Variants in CIBAR2 observed in about 807,000 individuals in gnomAD.
CIBAR2 encodes CBY1-interacting BAR domain-containing protein 2.
CIBAR2 carries 38 observed loss-of-function variants against 36.2 expected under a neutral mutation model. That is an observed-to-expected ratio of 1.05 (90% CI 0.81 to 1.38). CIBAR2 has a LOEUF of 1.38. Among genes scored for constraint, CIBAR2 ranks in the 40% most tolerant of loss-of-function variants. CIBAR2 has a pLI of 0.00. For synonymous variants in CIBAR2, 182 were observed against 149.5 expected, an observed-to-expected ratio of 1.22 and a Z score of -1.58; for missense variants, 481 against 383.4, an observed-to-expected ratio of 1.25 and a Z score of -2.13.
chr16:85,110,706 T>C (rs1013454462), intron 1 of CIBAR2, among the ~76,000 whole-genome samples: 1 of 130,702 alleles, frequency 7.7e-6, no homozygotes, highest in Non-Finnish European at 1.6e-5. Context: ...GACCTGGCCT[T>C]TTTTTTTTTT....
chr16:85,100,091 C>A, intron 8 of CIBAR2, 48 bp downstream of exon 8: 1 of 1,454,468 alleles, frequency 6.9e-7, no homozygotes, highest in Non-Finnish European at 9.5e-7. Flanking sequence ...GCCTTCCAGG[C>A]CGTGCACGAC....
chr16:85,110,461 C>G lies in CIBAR2; in HGVS notation c.21-1G>C, dbSNP rs765272850. 12 of 1,586,426 alleles carry G rather than the reference C, an allele frequency of 7.6e-6. 1 individual carries two copies. In the East Asian group the frequency reaches 2.7e-4, roughly 36 times the overall value. ...CTCCATCACCCTCACCTGGCTGTCC[C>G]TGTGGAGGCGGGGACCTGAGCAGCC... On this transcript the variant is annotated splice_acceptor_variant, in intron 1 of 8. Coordinates refer to ENST00000539556, the MANE Select transcript of CIBAR2 (RefSeq NM_198491.3). LOFTEE classifies it high-confidence loss of function.
intron 5 of CIBAR2, among the ~76,000 whole-genome samples, chr16:85,107,025 A>G (rs1324558031): frequency 6.6e-6 from 1 of 152,186 alleles, no homozygotes; most frequent in Non-Finnish European, 1.5e-5. Flanking sequence ...GGGCACCTGT[A>G]ATCCCAGCTG....
chr16:85,099,186 TAGAG>T lies in CIBAR2; in HGVS notation c.910_913del (p.Leu304AsnfsTer5). ...TGGGATTGCACTTACCCTACGTCGTTAGAGAGAATGTCCTGGAAGCATGAGATGC... is the reference window on the plus strand; with the variant it reads ...TGGGATTGCACTTACCCTACGTCGTTAGAATGTCCTGGAAGCATGAGATGC... On this transcript the variant is annotated frameshift_variant and stop_lost, in exon 9 of 9. Transcript: ENST00000539556. LOFTEE classifies it high-confidence loss of function. The T allele has an allele frequency of 6.4e-7, 1 of 1,570,922 alleles. No homozygotes were observed. Among genetic ancestry groups the T allele is most frequent in the Non-Finnish European group, 8.6e-7 (1 of 1,160,116 alleles).
rs570833878 is a variant in CIBAR2, at chr16:85,099,343, T to C, written c.757A>G (p.Thr253Ala). 4.4e-5 allele frequency: 68 copies of C among 1,528,216 alleles called. No individual in the cohort carries two copies. The South Asian group carries it at 6.0e-4, about 14-fold the overall frequency. The allele number at this position is 1,528,216 out of a possible 1,614,324, so 94.7% of individuals were successfully genotyped here. A position where few individuals can be genotyped will look rare whatever the true frequency, so the allele number is the denominator to read the frequency against. Residue 253 changes from threonine to alanine, a missense_variant, in exon 9 of 9, where the codon ACT becomes GCT. Thr to Ala is a moderately conservative substitution (Grantham distance 58). Transcript: ENST00000539556. ...GCCCTACTCAGCTGGACCTGCAGAG[T>C]TCCCTGCAGAAATATAAATGCACCT... ...SVLQSLASQG[T>A]LQVQLSRANE...
chr16:85,100,128 C>A lies in CIBAR2; in HGVS notation c.753+11G>T. Reference sequence around the variant, plus strand: ...TTTTAGGTGTAACCCCTCACCCACCCACACGCTCACCTGGCTGGCGAGAGA... The same window carrying A: ...TTTTAGGTGTAACCCCTCACCCACCAACACGCTCACCTGGCTGGCGAGAGA... On this transcript the variant is annotated intron_variant, in intron 8 of 8. Transcript: ENST00000539556. The A allele has an allele frequency of 1.9e-6, 3 of 1,604,916 alleles. No homozygotes were observed. The highest frequency in any genetic ancestry group is 2.6e-6 in the Non-Finnish European group (3 of 1,174,932).
At chr16:85,107,578 G>T in intron 5 of CIBAR2, 89 bp downstream of exon 5, 2 of 1,410,560 alleles carry the variant, frequency 1.4e-6, no homozygotes, top group Non-Finnish European at 2.0e-6. Context: ...ACCTGCTTCA[G>T]ACCAGGTAAA....
At position 85,104,018 on chromosome 16, in the gene CIBAR2, C is replaced by T. The variant is rs564226500; in HGVS notation, c.537+1309G>A. ...CCAGCATCAGGCACAGCACCTGGCA[C>T]GCAGTAGGTGTGCATTCCACACTTG... On this transcript the variant is annotated intron_variant, in intron 6 of 8. Transcript: ENST00000539556. Among the ~76,000 whole-genome samples, 5 of 152,342 alleles carry T rather than the reference C, an allele frequency of 3.3e-5. No homozygotes were observed. In the East Asian group the frequency reaches 5.8e-4, roughly 18 times the overall value.
rs2073928591 is a variant in CIBAR2 at position 85,098,555 on chromosome 16, TGGGCAGTTCTCTCTTATGGG to T, written c.*610_*629del. The T allele has an allele frequency of 1.0e-6, 1 of 985,900 alleles. No homozygotes were observed. The allele number at this position is 985,900 out of a possible 1,614,324, so 61.1% of individuals were successfully genotyped here. On this transcript the variant is annotated 3_prime_UTR_variant, in exon 9 of 9. Transcript: ENST00000539556. ...GCCAGCTAAGTTCTTCTGACTGTTG[TGGGCAGTTCTCTCTTATGGG>T]GTCCCTGCCCCAGTGCCCTGAGGTC...
intron 6 of CIBAR2, 49 bp from the exon 7 acceptor site, chr16:85,102,376 C>T: frequency 8.5e-7 from 1 of 1,176,132 alleles, no homozygotes; most frequent in Non-Finnish European, 1.3e-6. Flanking sequence ...TGAGAAAGAG[C>T]CCAGGGAAGC....
At chr16:85,107,731 CGCCCCCTTCACA>C in intron 4 of CIBAR2, 59 bp from the exon 5 acceptor site, 1 of 1,608,520 alleles carries the variant, frequency 6.2e-7, no homozygotes, top group East Asian at 2.2e-5. Flanking sequence ...TGGGGTGGTC[CGCCCCCTTCACA>C]GCCCCTGCCC....
At chr16:85,105,477 C>T (rs370101811) in intron 5 of CIBAR2, 46 bp from the exon 6 acceptor site, 2 of 1,434,532 alleles carry the variant, frequency 1.4e-6, no homozygotes, top group African/African-American at 1.4e-5. Flanking sequence ...GGGGGTGCTT[C>T]TGGCCCTTAG....
chr16:85,109,251 T>A (rs193081104), intron 2 of CIBAR2, among the ~76,000 whole-genome samples: 27 of 146,288 alleles, frequency 1.8e-4, no homozygotes, highest in Admixed American at 1.0e-3. Context: ...TCTCTTAAAA[T>A]TTTTTTTTTA....
chr16:85,108,503 C>T (rs2074015654), intron 2 of CIBAR2, among the ~76,000 whole-genome samples: 1 of 152,256 alleles, frequency 6.6e-6, no homozygotes, highest in Non-Finnish European at 1.5e-5. Flanking sequence ...TCCCAACTGC[C>T]ACACAGGGTG....
Position 85,102,203 on chromosome 16 carries a change from C to A in CIBAR2, c.651+11G>T. The A allele has an allele frequency of 6.8e-7, 1 of 1,475,750 alleles. No homozygotes were observed. The highest frequency in any genetic ancestry group is 9.5e-7 in the Non-Finnish European group (1 of 1,053,788). 91.4% of individuals were successfully genotyped at this position (1,475,750 alleles called of 1,614,324 possible). ...CTCCACCATATAGGAAACGGGGTGTCTGTGACTCACCAGTAGATCCCTCTC... is the reference window on the plus strand; with the variant it reads ...CTCCACCATATAGGAAACGGGGTGTATGTGACTCACCAGTAGATCCCTCTC... On this transcript the variant is annotated intron_variant, in intron 7 of 8. Transcript: ENST00000539556.
intron 8 of CIBAR2, among the ~76,000 whole-genome samples, chr16:85,099,878 A>C (rs890765180): frequency 3.4e-5 from 5 of 146,422 alleles, no homozygotes; most frequent in African/African-American, 1.3e-4. Context: ...CCTGACCTCA[A>C]GTGATCCTCC....
At position 85,099,034 on chromosome 16, in the gene CIBAR2, T is replaced by G; in HGVS notation, c.*151A>C. On this transcript the variant is annotated 3_prime_UTR_variant, in exon 9 of 9. Transcript: ENST00000539556. Reference sequence around the variant, plus strand: ...AGTCTCAGCAACAGAATTGAACAAGTAGAAGAAGGAAATTCAGAGCTTGAA... The same window carrying G: ...AGTCTCAGCAACAGAATTGAACAAGGAGAAGAAGGAAATTCAGAGCTTGAA... The G allele has an allele frequency of 2.2e-6, 2 of 896,516 alleles. No homozygotes were observed. Among genetic ancestry groups the G allele is most frequent in the Non-Finnish European group, 3.1e-6 (2 of 647,246 alleles). The allele number at this position is 896,516 out of a possible 1,614,324, so 55.5% of individuals were successfully genotyped here.
intron 7 of CIBAR2, among the ~76,000 whole-genome samples, chr16:85,101,407 C>T (rs1260763606): frequency 6.6e-6 from 1 of 152,174 alleles, no homozygotes; most frequent in Admixed American, 6.6e-5. Flanking sequence ...CAGCCTCTGA[C>T]CAATGGCAGC....
intron 5 of CIBAR2, 102 bp downstream of exon 5, chr16:85,107,565 C>T: frequency 7.6e-7 from 1 of 1,311,802 alleles, no homozygotes; most frequent in Non-Finnish European, 1.1e-6. Flanking sequence ...AGGTCCTGCA[C>T]ACACCTGCTT....
Sources: gnomAD v4.1 joint callset for allele counts (sites outside exome capture counted in the v4.1 genomes callset) on GRCh38, gnomAD v4.1.1 for gene constraint, MANE v1.5 for transcripts, NCBI Gene and HGNC (gene_info 2026-07-23, HGNC 2026-07-21) for gene names.